Variants in DENND5A observed in about 807,000 individuals in gnomAD.
The protein encoded by DENND5A is DENN domain containing 5A, also known as DENN domain-containing protein 5A.
DENND5A carries 64 observed loss-of-function variants against 140.3 expected under a neutral mutation model. That is an observed-to-expected ratio of 0.46 (90% CI 0.37 to 0.56). The LOEUF is 0.56. Ranked by LOEUF, DENND5A falls within the 20% of genes least tolerant of loss-of-function variation. DENND5A has a pLI of 0.00. For synonymous variants in DENND5A, 605 were observed against 607.7 expected, an observed-to-expected ratio of 1.00 and a Z score of 0.07; for missense variants, 1,292 against 1,593.8, an observed-to-expected ratio of 0.81 and a Z score of 3.22.
chr11:9,170,227 C>T, intron 9 of DENND5A: 1 of 964,008 alleles, frequency 1.0e-6, no homozygotes, highest in Non-Finnish European at 1.2e-6. Flanking sequence ...TCTATCTGGG[C>T]TTTGATACAG....
At chr11:9,204,448 T>C in intron 3 of DENND5A, 131 bp from the exon 4 acceptor site, 2 of 818,892 alleles carry the variant, frequency 2.4e-6, no homozygotes, top group South Asian at 3.6e-5. Flanking sequence ...AGCTCTCTCT[T>C]TCTAATGCAA....
At chr11:9,198,187 A>G (rs1221770597) in intron 4 of DENND5A, among the ~76,000 whole-genome samples, 1 of 152,224 alleles carries the variant, frequency 6.6e-6, no homozygotes, top group East Asian at 1.9e-4. Flanking sequence ...GTCACTAAAA[A>G]ACACTGTAAT....
intron 1 of DENND5A, among the ~76,000 whole-genome samples, chr11:9,218,158 C>T (rs575576262): frequency 6.6e-6 from 1 of 150,780 alleles, no homozygotes; most frequent in East Asian, 1.9e-4. Flanking sequence ...ACTCAGGAGG[C>T]TGAGGCAGGA....
At chr11:9,219,731 A>G (rs1400748023) in intron 1 of DENND5A, among the ~76,000 whole-genome samples, 1 of 152,234 alleles carries the variant, frequency 6.6e-6, no homozygotes, top group Non-Finnish European at 1.5e-5. Flanking sequence ...TCAGGCAAGA[A>G]TCCACAGCTT....
intron 1 of DENND5A, among the ~76,000 whole-genome samples, chr11:9,225,046 C>T (rs906327846): frequency 4.6e-5 from 7 of 152,084 alleles, no homozygotes; most frequent in African/African-American, 7.2e-5. Context: ...CTAGAACCGA[C>T]GTCTAACTCT....
chr11:9,186,457 AC>A (rs1848916632), intron 5 of DENND5A, among the ~76,000 whole-genome samples: 1 of 152,170 alleles, frequency 6.6e-6, no homozygotes, highest in Non-Finnish European at 1.5e-5. Context: ...GCAATCATTT[AC>A]CTCCTCAGTT....
rs146129513 is a variant in DENND5A, at chr11:9,204,108, G to A, written c.501C>T (p.Pro167=). Residue 167 remains proline (P), a synonymous_variant, in exon 4 of 23, where the codon CCC becomes CCT. Coordinates refer to ENST00000328194, the MANE Select transcript of DENND5A (RefSeq NM_015213.4). ...HNAEYDVLHA[P]PADDRDQSSM... is the part of the protein sequence containing the mutation. ...TGCTCTGGTCTCTGTCATCAGCAGG[G>A]GGAGCATGTAGGACATCATACTCAG... 50 of 1,614,116 alleles carry A rather than the reference G, an allele frequency of 3.1e-5. 1 individual carries two copies. In the African/African-American group the frequency reaches 6.1e-4, roughly 20 times the overall value.
Position 9,145,751 on chromosome 11 carries a change from G to A in DENND5A, c.2922C>T (p.Asn974=). 3 of 1,614,146 alleles carry A rather than the reference G, an allele frequency of 1.9e-6. No individual in the cohort carries two copies. Among genetic ancestry groups the A allele is most frequent in the South Asian group, 1.1e-5 (1 of 91,076 alleles). ...ATTCTCCTGATATACAGATCCATGG[G>A]TTGGCAGTGAACATGGAGCCCCCCA... ...KKLGGSMFTA[N]PWICISGELG... The change falls in exon 17 of 23, where the codon AAC becomes AAT. Residue 974 remains asparagine, a synonymous_variant. Coordinates refer to ENST00000328194, the MANE Select transcript of DENND5A (RefSeq NM_015213.4).
chr11:9,178,805 C>T, intron 7 of DENND5A, 53 bp downstream of exon 7: 1 of 1,430,412 alleles, frequency 7.0e-7, no homozygotes, highest in Admixed American at 1.7e-5. Context: ...TTCTTCAAGA[C>T]ATAACTGGCA....
intron 12 of DENND5A, among the ~76,000 whole-genome samples, chr11:9,152,702 T>C (rs1275281722): frequency 6.6e-6 from 1 of 151,532 alleles, no homozygotes; most frequent in East Asian, 1.9e-4. Context: ...AAGGGACCAG[T>C]GGATAAGAAA....
intron 1 of DENND5A, among the ~76,000 whole-genome samples, chr11:9,238,578 G>C (rs1016395504): frequency 4.6e-5 from 7 of 151,766 alleles, no homozygotes; most frequent in African/African-American, 1.7e-4. Flanking sequence ...CACCAAGCCT[G>C]GCTAATTTTT....
chr11:9,264,549 G>A (rs1475545526), intron 1 of DENND5A, among the ~76,000 whole-genome samples: 1 of 152,158 alleles, frequency 6.6e-6, no homozygotes, highest in African/African-American at 2.4e-5. Flanking sequence ...GAAGTGGCCA[G>A]ATAAACTCAC....
chr11:9,186,643 C>T (rs1848923036), intron 5 of DENND5A, among the ~76,000 whole-genome samples: 1 of 152,140 alleles, frequency 6.6e-6, no homozygotes, highest in Non-Finnish European at 1.5e-5. Context: ...TTTGTAGAAA[C>T]CTTTGGTCAG....
At chr11:9,260,123 T>C (rs907883643) in intron 1 of DENND5A, among the ~76,000 whole-genome samples, 1 of 151,136 alleles carries the variant, frequency 6.6e-6, no homozygotes, top group Non-Finnish European at 1.5e-5. Context: ...TTCCCATCTA[T>C]CCTTATCCCT....
In DENND5A at chr11:9,244,984, C is replaced by A. The variant is rs888418053; in HGVS notation, c.109+19977G>T. ...GAGCCACCGTGCTTGGCTCCAAGGC[C>A]CTTTTAAAAGAGGCTTCAGGCCGGG... On this transcript the variant is annotated intron_variant, in intron 1 of 22. Coordinates refer to ENST00000328194, the MANE Select transcript of DENND5A (RefSeq NM_015213.4). Among the ~76,000 whole-genome samples the A allele has an allele frequency of 1.5e-4, 23 of 151,296 alleles. 1 individual carries two copies. Among genetic ancestry groups the A allele is most frequent in the Admixed American group, 3.3e-4 (5 of 15,208 alleles).
chr11:9,198,780 A>T (rs1849422144), intron 4 of DENND5A, among the ~76,000 whole-genome samples: 1 of 151,618 alleles, frequency 6.6e-6, no homozygotes, highest in African/African-American at 2.4e-5. Context: ...TTTTAAGTTA[A>T]ATTATTTAGG....
At chr11:9,244,527 G>A (rs543050683) in intron 1 of DENND5A, among the ~76,000 whole-genome samples, 25 of 152,172 alleles carry the variant, frequency 1.6e-4, no homozygotes, top group African/African-American at 4.3e-4. Context: ...GTGCCACCAC[G>A]CCCAGCTAAT....
chr11:9,256,870 A>C (rs1851967970), intron 1 of DENND5A, among the ~76,000 whole-genome samples: 1 of 152,206 alleles, frequency 6.6e-6, no homozygotes, highest in Admixed American at 6.5e-5. Context: ...CACTGAAATA[A>C]GTGAACTGTA....
At chr11:9,228,537 T>C (rs1277022711) in intron 1 of DENND5A, among the ~76,000 whole-genome samples, 1 of 151,960 alleles carries the variant, frequency 6.6e-6, no homozygotes, top group East Asian at 1.9e-4. Flanking sequence ...TCACCTGAGG[T>C]CAGGAGTTCG....
Sources: gnomAD v4.1 joint callset for allele counts (sites outside exome capture counted in the v4.1 genomes callset) on GRCh38, gnomAD v4.1.1 for gene constraint, MANE v1.5 for transcripts, NCBI Gene and HGNC (gene_info 2026-07-23, HGNC 2026-07-21) for gene names.